PHF24: variants seen among roughly 807,000 people sequenced by gnomAD.
PHF24 encodes the protein Galpha inhibitory interacting protein.
PHF24 carries 25 observed loss-of-function variants against 42.6 expected under a neutral mutation model. That is an observed-to-expected ratio of 0.59 (90% CI 0.43 to 0.82). PHF24 has a LOEUF of 0.82. Among genes scored for constraint, PHF24 ranks in the 40% least tolerant of loss-of-function variants. The pLI is 0.00. For synonymous variants in PHF24, 185 were observed against 204.8 expected, an observed-to-expected ratio of 0.90 and a Z score of 0.83; for missense variants, 470 against 538.1, an observed-to-expected ratio of 0.87 and a Z score of 1.25.
chr9:34,920,285 A>G, the PHF24 span, among the ~76,000 whole-genome samples: 56 of 152,228 alleles, frequency 3.7e-4, no homozygotes, highest in Admixed American at 1.2e-3. Context: ...TGTAGTTTCA[A>G]TTTGCATTTT....
chr9:34,917,248 A>G, the PHF24 span: 68 of 1,207,756 alleles, frequency 5.6e-5, no homozygotes, highest in Non-Finnish European at 7.4e-5. Flanking sequence ...CAGGGTGAGA[A>G]AGTCCGGGTC....
At chr9:34,690,195 C>T in the PHF24 span, 8 of 1,613,936 alleles carry the variant, frequency 5.0e-6, no homozygotes, top group South Asian at 8.8e-5. Context: ...GCTAGACACC[C>T]TCCCCACAAC....
At chr9:34,691,367 T>G in the PHF24 span, 2 of 503,090 alleles carry the variant, frequency 4.0e-6, no homozygotes, top group Non-Finnish European at 7.1e-6. Context: ...GATTCCCCTG[T>G]TGCCCCCCTC....
At chr9:34,737,803 G>A in the PHF24 span, among the ~76,000 whole-genome samples, 4 of 152,272 alleles carry the variant, frequency 2.6e-5, no homozygotes, top group East Asian at 3.9e-4. Flanking sequence ...TTTATAGTCC[G>A]ACATGCTTTT....
the PHF24 span, among the ~76,000 whole-genome samples, chr9:34,693,891 T>G: frequency 1.3e-5 from 2 of 152,302 alleles, no homozygotes; most frequent in African/African-American, 4.8e-5. Flanking sequence ...TTGTTTTTTG[T>G]TTTTTCTTTC....
the PHF24 span, among the ~76,000 whole-genome samples, chr9:34,684,260 T>C: frequency 6.6e-6 from 1 of 152,206 alleles, no homozygotes; most frequent in Admixed American, 6.5e-5. Flanking sequence ...ATAAGTGTTC[T>C]GGGTTGCAGA....
chr9:34,798,227 T>C, the PHF24 span, among the ~76,000 whole-genome samples: 1 of 152,212 alleles, frequency 6.6e-6, no homozygotes, highest in African/African-American at 2.4e-5. Flanking sequence ...TTCTTTTAAA[T>C]TTTGGATTCA....
At position 34,958,996 on chromosome 9, in the gene PHF24, A is replaced by T. The variant is rs1826494867; in HGVS notation, c.-5+595A>T. On this transcript the variant is annotated intron_variant, in intron 1 of 7. Coordinates refer to ENST00000242315, the Ensembl canonical transcript of PHF24. The surrounding 1 kb of genome is among the most constrained non-coding windows in gnomAD (Gnocchi z 4.5). ...CTTGTATCCCCACACCGTGGCCCAG[A>T]GGTGGGGGCCTTCTAGGGCTGCAGC... is the stretch of plus-strand genomic sequence containing the variant. Among the ~76,000 whole-genome samples the T allele has an allele frequency of 6.6e-6, 1 of 152,090 alleles. No homozygotes were observed. Among genetic ancestry groups the T allele is most frequent in the Non-Finnish European group, 1.5e-5 (1 of 68,016 alleles).
the PHF24 span, among the ~76,000 whole-genome samples, chr9:34,770,803 C>T: frequency 6.7e-5 from 10 of 149,646 alleles, no homozygotes; most frequent in African/African-American, 2.6e-4. Flanking sequence ...TAAGGTAACT[C>T]TTGGAGAAAG....
At chr9:34,948,807 A>C in the PHF24 span, among the ~76,000 whole-genome samples, 3 of 152,210 alleles carry the variant, frequency 2.0e-5, no homozygotes, top group Non-Finnish European at 4.4e-5. Context: ...ATTTCAGATA[A>C]GGGATACTCA....
chr9:34,759,854 C>G, the PHF24 span, among the ~76,000 whole-genome samples: 1 of 152,214 alleles, frequency 6.6e-6, no homozygotes, highest in Admixed American at 6.5e-5. Flanking sequence ...CAGAGCTCAG[C>G]CAAGGGCTGA....
intron 1 of PHF24, among the ~76,000 whole-genome samples, chr9:34,960,708 G>T (rs1826560620): frequency 6.6e-6 from 1 of 152,068 alleles, no homozygotes; most frequent in South Asian, 2.1e-4. Flanking sequence ...ATGGATCCAG[G>T]CTCTCCCCTA....
chr9:34,794,392 T>C, the PHF24 span, among the ~76,000 whole-genome samples: 1 of 152,132 alleles, frequency 6.6e-6, no homozygotes, highest in Non-Finnish European at 1.5e-5. Context: ...CAAAGTCCCA[T>C]AAAATAATAC....
chr9:34,738,726 T>C, the PHF24 span, among the ~76,000 whole-genome samples: 2 of 152,192 alleles, frequency 1.3e-5, no homozygotes, highest in Non-Finnish European at 2.9e-5. Context: ...GGAGGACTTC[T>C]GGGAAGGAGT....
chr9:34,712,331 C>T, the PHF24 span, among the ~76,000 whole-genome samples: 1 of 152,040 alleles, frequency 6.6e-6, no homozygotes, highest in African/African-American at 2.4e-5. Flanking sequence ...TATGTATATT[C>T]ATGCTTTTCA....
the PHF24 span, chr9:34,709,440 A>G: frequency 6.2e-7 from 1 of 1,612,986 alleles, no homozygotes; most frequent in Non-Finnish European, 8.5e-7. Context: ...GTGAGGGCAG[A>G]AGAGGGGTGT....
chr9:34,859,549 T>A, the PHF24 span, among the ~76,000 whole-genome samples: 2 of 152,220 alleles, frequency 1.3e-5, no homozygotes, highest in African/African-American at 4.8e-5. Flanking sequence ...AAGGTTATGA[T>A]ATTTGTCAGT....
At chr9:34,823,078 C>T in the PHF24 span, among the ~76,000 whole-genome samples, 1 of 151,328 alleles carries the variant, frequency 6.6e-6, no homozygotes, top group East Asian at 1.9e-4. Flanking sequence ...CGCCTGTAGT[C>T]CCAGCTACTG....
chr9:34,872,973 C>A, the PHF24 span, among the ~76,000 whole-genome samples: 1 of 151,312 alleles, frequency 6.6e-6, no homozygotes, highest in South Asian at 2.1e-4. Context: ...AGCATTTTTT[C>A]ATGTGTTTTT....
Sources: allele counts gnomAD v4.1 joint callset (sites outside exome capture counted in the v4.1 genomes callset), GRCh38; gene constraint gnomAD v4.1.1; non-coding constraint Gnocchi (gnomAD v3.1); transcripts MANE v1.5; gene names NCBI Gene and HGNC (gene_info 2026-07-23, HGNC 2026-07-21).